The following TENM4 variants were observed in gnomAD, a reference collection of about 807,000 sequenced individuals.
TENM4 encodes the protein teneurin-4.
TENM4 carries 82 observed loss-of-function variants against 243.3 expected under a neutral mutation model. That is an observed-to-expected ratio of 0.34 (90% CI 0.28 to 0.40). The LOEUF (loss-of-function observed/expected upper bound fraction) is 0.40. Ranked by LOEUF, TENM4 falls within the 10% of genes least tolerant of loss-of-function variation. The probability of loss-of-function intolerance (pLI) is 1.00; values close to 1 mark genes in which losing one functional copy is unlikely to be tolerated. For missense variants in TENM4, 3,138 were observed against 3,673.3 expected (o/e 0.85, Z 3.77); for synonymous variants, 1,412 against 1,456.3 (o/e 0.97, Z 0.69).
intron 1 of TENM4, among the ~76,000 whole-genome samples, chr11:79,326,365 C>T (rs1016045996): frequency 2.0e-5 from 3 of 152,158 alleles, no homozygotes; most frequent in African/African-American, 4.8e-5. Flanking sequence ...TCACAGTGAA[C>T]ACTGCCTAAA....
chr11:79,409,101 T>TGCGC (rs377309749), intron 1 of TENM4, among the ~76,000 whole-genome samples: 40 of 103,676 alleles, frequency 3.9e-4, no homozygotes, highest in Middle Eastern at 9.5e-3. Flanking sequence ...TGTGTGTGTG[T>TGCGC]GCGCGCGCGC....
intron 1 of TENM4, among the ~76,000 whole-genome samples, chr11:79,298,521 CAAAAAAAA>C (rs61373828): frequency 0.014 from 242 of 17,258 alleles, 3 homozygotes; most frequent in African/African-American, 0.028. Context: ...GACTCCGTCT[CAAAAAAAA>C]AAAAAAAAAA....
At chr11:78,741,311 AAAAAAAAAAG>A (rs1855924411) in intron 19 of TENM4, among the ~76,000 whole-genome samples, 1 of 149,154 alleles carries the variant, frequency 6.7e-6, no homozygotes, top group Non-Finnish European at 1.5e-5. Context: ...CCGACTTTTG[AAAAAAAAAAG>A]AAACAAAAAG....
chr11:79,266,085 C>T (rs1238787810), intron 2 of TENM4, among the ~76,000 whole-genome samples: 1 of 152,210 alleles, frequency 6.6e-6, no homozygotes, highest in African/African-American at 2.4e-5. Context: ...TGTTGTAACA[C>T]TTCTCCCAGG....
intron 1 of TENM4, among the ~76,000 whole-genome samples, chr11:79,423,767 GAGA>G (rs1165257502): frequency 3.9e-5 from 6 of 152,056 alleles, no homozygotes; most frequent in Admixed American, 6.6e-5. Flanking sequence ...TTTTACAGGA[GAGA>G]AGAAGGAGTG....
chr11:79,043,480 A>G (rs1859588399), intron 6 of TENM4, among the ~76,000 whole-genome samples: 1 of 152,122 alleles, frequency 6.6e-6, no homozygotes, highest in East Asian at 1.9e-4. Flanking sequence ...TCCATGAGAG[A>G]CTGTGTGGAA....
intron 1 of TENM4, among the ~76,000 whole-genome samples, chr11:79,374,837 G>C (rs1239336297): frequency 2.0e-5 from 3 of 152,192 alleles, no homozygotes; most frequent in African/African-American, 7.2e-5. Context: ...AAGTGCTTAC[G>C]AAGCAGGCGA....
chr11:79,415,475 G>A (rs1858793462), intron 1 of TENM4, among the ~76,000 whole-genome samples: 1 of 152,120 alleles, frequency 6.6e-6, no homozygotes, highest in Non-Finnish European at 1.5e-5. Context: ...CGGTGCTCAG[G>A]GCTTTATGTA....
At chr11:79,283,059 A>G (rs995547383) in intron 2 of TENM4, among the ~76,000 whole-genome samples, 5 of 152,110 alleles carry the variant, frequency 3.3e-5, no homozygotes, top group Admixed American at 6.5e-5. Context: ...TCTTATCACC[A>G]CCTTTTAAAG....
chr11:78,676,051 G>A, intron 30 of TENM4, 101 bp downstream of exon 30: 4 of 1,130,170 alleles, frequency 3.5e-6, no homozygotes, highest in Non-Finnish European at 4.8e-6. Flanking sequence ...TTTTGCAGAT[G>A]AGTGAACTGA....
rs184263386 is a variant in TENM4, at chr11:79,130,683, C to T, written c.-66+18027G>A. Among the ~76,000 whole-genome samples the T allele has an allele frequency of 5.1e-3, 774 of 152,044 alleles. 8 individuals carry two copies. Among genetic ancestry groups the T allele is most frequent in the African/African-American group, 0.018 (739 of 41,488 alleles). ...CTAAAAATACAAAAAATTAGCTGGG[C>T]GTGGTGACAGGTGCCTGTGGTCCTA... is the stretch of plus-strand genomic sequence containing the variant. On this transcript the variant is annotated intron_variant, in intron 4 of 33. Transcript: ENST00000278550.
At chr11:78,742,063 C>T (rs1223904061) in intron 19 of TENM4, among the ~76,000 whole-genome samples, 1 of 152,198 alleles carries the variant, frequency 6.6e-6, no homozygotes, top group African/African-American at 2.4e-5. Context: ...TGAATCACCC[C>T]CTCCTTTGGG....
rs148002751 is a variant in TENM4 at position 79,217,349 on chromosome 11, T to C, written c.-264-1440A>G. Among the ~76,000 whole-genome samples, 52 of 152,246 alleles carry C rather than the reference T, an allele frequency of 3.4e-4. No homozygotes were observed. The East Asian group carries it at 9.9e-3, about 29-fold the overall frequency. ...ATAAAAAATACTACAAAATGCCTTA[T>C]TATACAAGAGACCTACTAGGCTAAA... On this transcript the variant is annotated intron_variant, in intron 2 of 33. Transcript: ENST00000278550.
At chr11:79,242,491 G>C (rs943250507) in intron 2 of TENM4, among the ~76,000 whole-genome samples, 6 of 152,278 alleles carry the variant, frequency 3.9e-5, no homozygotes, top group Admixed American at 2.0e-4. Flanking sequence ...TTTCCTTCCT[G>C]TTATTTTTCT....
intron 6 of TENM4, among the ~76,000 whole-genome samples, chr11:78,920,549 A>G (rs1156513442): frequency 6.6e-6 from 1 of 152,028 alleles, no homozygotes; most frequent in Non-Finnish European, 1.5e-5. Context: ...CTCTCGCTGC[A>G]TTACTCCTGG....
intron 1 of TENM4, among the ~76,000 whole-genome samples, chr11:79,383,138 C>T (rs531731375): frequency 6.6e-6 from 1 of 152,278 alleles, no homozygotes; most frequent in Non-Finnish European, 1.5e-5. Context: ...CCCTTTCTGG[C>T]CACCCCTCAC....
chr11:78,705,152 T>C (rs1184126127), intron 27 of TENM4, among the ~76,000 whole-genome samples: 1 of 152,242 alleles, frequency 6.6e-6, no homozygotes, highest in Non-Finnish European at 1.5e-5. Flanking sequence ...TCTTGTCAAC[T>C]CTGGCCGCTA....
chr11:79,089,134 T>C (rs1410400608), intron 4 of TENM4, among the ~76,000 whole-genome samples: 1 of 152,230 alleles, frequency 6.6e-6, no homozygotes, highest in Non-Finnish European at 1.5e-5. Context: ...CTTGGGTCAC[T>C]GTGCAGGCCT....
At chr11:79,085,014 T>C (rs1275938972) in intron 4 of TENM4, among the ~76,000 whole-genome samples, 1 of 152,192 alleles carries the variant, frequency 6.6e-6, no homozygotes, top group Non-Finnish European at 1.5e-5. Flanking sequence ...ACACAGGCTA[T>C]CTCTTGTTAT....
Sources: allele counts gnomAD v4.1 joint callset (sites outside exome capture counted in the v4.1 genomes callset), GRCh38; gene constraint gnomAD v4.1.1; transcripts MANE v1.5; gene names NCBI Gene and HGNC (gene_info 2026-07-23, HGNC 2026-07-21).